Variants in WARS2 observed in about 807,000 individuals in gnomAD.
The protein encoded by WARS2 is tryptophan--tRNA ligase, mitochondrial.
Under a neutral mutation model 36.5 loss-of-function variants are expected in WARS2, and 28 were observed. That is an observed-to-expected ratio of 0.77 (90% CI 0.57 to 1.05). The LOEUF is 1.05. Ranked by LOEUF, WARS2 falls within the 50% of genes least tolerant of loss-of-function variation. The probability of loss-of-function intolerance (pLI) is 0.00; values close to 1 mark genes in which losing one functional copy is unlikely to be tolerated. For synonymous variants in WARS2, 174 were observed against 178.4 expected, an observed-to-expected ratio of 0.98 and a Z score of 0.20; for missense variants, 435 against 456.8, an observed-to-expected ratio of 0.95 and a Z score of 0.44.
intron 2 of WARS2, among the ~76,000 whole-genome samples, chr1:119,056,092 C>G (rs906824180): frequency 1.3e-5 from 2 of 149,216 alleles, no homozygotes; most frequent in South Asian, 4.2e-4. Flanking sequence ...GACCTTGGCT[C>G]ACTGCAGCCT....
intron 1 of WARS2, among the ~76,000 whole-genome samples, chr1:119,133,949 A>C (rs1656280211): frequency 6.6e-6 from 1 of 152,124 alleles, no homozygotes; most frequent in Non-Finnish European, 1.5e-5. Flanking sequence ...GAGAATGTGA[A>C]GCATTCTGAA....
At chr1:119,135,751 T>TAG (rs1553183294) in intron 1 of WARS2, among the ~76,000 whole-genome samples, 3 of 109,224 alleles carry the variant, frequency 2.7e-5, no homozygotes. Context: ...GATAGATAGA[T>TAG]AGAGAGATAG....
At chr1:119,057,211 T>C (rs963188270) in intron 2 of WARS2, among the ~76,000 whole-genome samples, 1 of 151,970 alleles carries the variant, frequency 6.6e-6, no homozygotes, top group African/African-American at 2.4e-5. Context: ...AGTGGCACGA[T>C]CTCGGCTGAC....
At chr1:119,124,257 C>T (rs2101546171) in intron 1 of WARS2, among the ~76,000 whole-genome samples, 1 of 152,192 alleles carries the variant, frequency 6.6e-6, no homozygotes, top group African/African-American at 2.4e-5. Context: ...CTTTGGGAGG[C>T]CAAGGTGGGC....
intron 4 of WARS2, among the ~76,000 whole-genome samples, chr1:119,040,343 AT>A (rs1648245494): frequency 6.6e-6 from 1 of 152,232 alleles, no homozygotes; most frequent in Admixed American, 6.5e-5. Flanking sequence ...TCATGGTATC[AT>A]TAAGAATGTA....
intron 1 of WARS2, among the ~76,000 whole-genome samples, chr1:119,109,334 G>A (rs1654463558): frequency 1.3e-5 from 2 of 151,834 alleles, no homozygotes; most frequent in Admixed American, 1.3e-4. Flanking sequence ...TCTCTTTGGA[G>A]TTCTATCAGT....
intron 2 of WARS2, among the ~76,000 whole-genome samples, chr1:119,070,041 G>A (rs1651172779): frequency 1.3e-5 from 2 of 152,262 alleles, no homozygotes; most frequent in African/African-American, 4.8e-5. Flanking sequence ...CCTACAAACT[G>A]GGTGACCTTA....
rs191425080 is a variant in WARS2, at chr1:119,038,935, G to A, written c.515+3329C>T. The stretch of plus-strand genomic sequence containing the variant: ...GAGCTCAGGTGATCTGCCTGCCTCG[G>A]CCTCCCAAAGTGCTGGGATTACAGG... On this transcript the variant is annotated intron_variant, in intron 4 of 5. Transcript: ENST00000235521. Among the ~76,000 whole-genome samples the A allele has an allele frequency of 3.6e-3, 542 of 152,268 alleles. 6 individuals are homozygous for A. Among genetic ancestry groups the A allele is most frequent in the African/African-American group, 0.012 (512 of 41,544 alleles).
chr1:119,032,871 T>G lies in WARS2; in HGVS notation c.*40A>C, dbSNP rs201923721. 20 of 1,551,378 alleles carry G rather than the reference T, an allele frequency of 1.3e-5. No homozygotes were observed. In the Admixed American group the frequency reaches 2.0e-4, roughly 16 times the overall value. The stretch of plus-strand genomic sequence containing the variant: ...GCTGCCGTTATCAGAATGCATGGAG[T>G]GCAAGGCACAAAAGCCTTGCTGTGA... On this transcript the variant is annotated 3_prime_UTR_variant, in exon 6 of 6. Coordinates refer to ENST00000235521, the MANE Select transcript of WARS2 (RefSeq NM_015836.4).
At chr1:119,054,676 T>TAA (rs1649628914) in intron 2 of WARS2, among the ~76,000 whole-genome samples, 1 of 152,154 alleles carries the variant, frequency 6.6e-6, no homozygotes, top group Non-Finnish European at 1.5e-5. Flanking sequence ...GATGACTAGA[T>TAA]AAATGAAATG....
At chr1:119,050,124 T>C (rs796909414) in intron 2 of WARS2, among the ~76,000 whole-genome samples, 1 of 152,246 alleles carries the variant, frequency 6.6e-6, no homozygotes, top group South Asian at 2.1e-4. Flanking sequence ...GTCCTACTCC[T>C]ATCCCCTTTG....
intron 2 of WARS2, among the ~76,000 whole-genome samples, chr1:119,048,705 C>T (rs1649067519): frequency 6.6e-6 from 1 of 152,136 alleles, no homozygotes; most frequent in African/African-American, 2.4e-5. Flanking sequence ...TTTTTGTTTT[C>T]CTGCCCAAAT....
intron 1 of WARS2, among the ~76,000 whole-genome samples, chr1:119,087,326 C>T (rs181890794): frequency 5.5e-4 from 83 of 152,244 alleles, no homozygotes; most frequent in Middle Eastern, 3.4e-3. Flanking sequence ...AATCCTTTCT[C>T]CCATACTTTA....
intron 2 of WARS2, among the ~76,000 whole-genome samples, chr1:119,051,578 T>C (rs1649357964): frequency 6.6e-6 from 1 of 152,124 alleles, no homozygotes; most frequent in South Asian, 2.1e-4. Flanking sequence ...CTGGGTCGAA[T>C]GGTAGTCCTG....
intron 1 of WARS2, among the ~76,000 whole-genome samples, chr1:119,087,096 T>C (rs868606209): frequency 1.3e-5 from 2 of 152,188 alleles, no homozygotes; most frequent in South Asian, 4.1e-4. Flanking sequence ...TCTCTCTCAC[T>C]CAGAAGAACA....
chr1:119,077,874 G>A (rs1420650813), intron 1 of WARS2, among the ~76,000 whole-genome samples: 1 of 151,918 alleles, frequency 6.6e-6, no homozygotes, highest in Non-Finnish European at 1.5e-5. Context: ...TAACTAAAAG[G>A]CCCTGAGAAA....
At chr1:119,136,651 C>T (rs368292351) in intron 1 of WARS2, among the ~76,000 whole-genome samples, 6 of 152,202 alleles carry the variant, frequency 3.9e-5, no homozygotes, top group Admixed American at 1.3e-4. Flanking sequence ...ATGAACAATA[C>T]ATGGCAGAGA....
chr1:119,038,525 A>C (rs937106518), intron 4 of WARS2, among the ~76,000 whole-genome samples: 9 of 152,068 alleles, frequency 5.9e-5, no homozygotes, highest in Non-Finnish European at 1.3e-4. Context: ...TTATGATGAC[A>C]CCTCTTCTCT....
chr1:119,037,433 T>G lies in WARS2; in HGVS notation c.516-3220A>C, dbSNP rs773161082. Reference sequence around the variant, plus strand: ...TCTTTTTCTACTTTTTTGGCTGTGTTTGTAAGTTTTCAGTGCTGCTGCCTT... The same window carrying G: ...TCTTTTTCTACTTTTTTGGCTGTGTGTGTAAGTTTTCAGTGCTGCTGCCTT... On this transcript the variant is annotated intron_variant, in intron 4 of 5. Transcript: ENST00000235521. Among the ~76,000 whole-genome samples the G allele has an allele frequency of 8.4e-4, 128 of 152,324 alleles. 1 individual carries two copies. The highest frequency in any genetic ancestry group is 1.4e-3 in the Non-Finnish European group (96 of 68,032).
Sources: gnomAD v4.1 joint callset for allele counts (sites outside exome capture counted in the v4.1 genomes callset) on GRCh38, gnomAD v4.1.1 for gene constraint, MANE v1.5 for transcripts, NCBI Gene and HGNC (gene_info 2026-07-23, HGNC 2026-07-21) for gene names.